Variants in SH3KBP1 observed in about 807,000 individuals in gnomAD.
SH3KBP1 encodes SH3 domain-containing kinase-binding protein 1.
A neutral mutation model predicts 50.1 loss-of-function variants in SH3KBP1; 8 were observed. The ratio of observed to expected loss-of-function variants is 0.16; its 90% CI spans 0.09 to 0.29. The LOEUF (loss-of-function observed/expected upper bound fraction) is 0.29, where lower values mean the gene tolerates loss of function less well. Ranked by LOEUF, SH3KBP1 falls within the 10% of genes least tolerant of loss-of-function variation. The probability of loss-of-function intolerance (pLI) is 1.00; values close to 1 mark genes in which losing one functional copy is unlikely to be tolerated. For synonymous variants in SH3KBP1, 227 were observed against 218.6 expected (o/e 1.04, Z -0.34); for missense variants, 377 against 535.2 (o/e 0.70, Z 2.92).
At chrX:19,670,683 G>A (rs67258646) in intron 6 of SH3KBP1, among the ~76,000 whole-genome samples, 3,632 of 109,520 alleles carry the variant, frequency 0.033, 151 homozygotes, top group African/African-American at 0.11. Context: ...TACTTGATAG[G>A]TTCCTCCTCA....
intron 2 of SH3KBP1, among the ~76,000 whole-genome samples, chrX:19,767,614 G>A (rs1264139365): frequency 9.0e-6 from 1 of 110,787 alleles, no homozygotes; most frequent in African/African-American, 3.3e-5. Context: ...TCATCACTCA[G>A]TACCAGAAAG....
chrX:19,844,115 T>A (rs1270955923), intron 1 of SH3KBP1, among the ~76,000 whole-genome samples: 1 of 111,654 alleles, frequency 9.0e-6, no homozygotes, highest in Non-Finnish European at 1.9e-5. Flanking sequence ...AGACGTGATA[T>A]CTGTAAACTG....
intron 2 of SH3KBP1, among the ~76,000 whole-genome samples, chrX:19,801,896 A>AAG (rs1241584436): frequency 9.6e-6 from 1 of 104,135 alleles, no homozygotes; most frequent in Non-Finnish European, 2.0e-5. Flanking sequence ...GCCAACATGG[A>AAG]GAAACCCTGT....
chrX:19,885,641 T>C (rs1034157782), intron 1 of SH3KBP1, among the ~76,000 whole-genome samples: 1 of 110,361 alleles, frequency 9.1e-6, no homozygotes, highest in Non-Finnish European at 1.9e-5. Flanking sequence ...GGAGAAGACA[T>C]TTGGATTAAC....
At chrX:19,655,001 C>T (rs2062236660) in intron 6 of SH3KBP1, among the ~76,000 whole-genome samples, 1 of 111,760 alleles carries the variant, frequency 8.9e-6, no homozygotes, top group South Asian at 3.7e-4. Flanking sequence ...GGAGATGGCA[C>T]CTCCTCCCCC....
At chrX:19,654,649 A>AT (rs1415991711) in intron 6 of SH3KBP1, among the ~76,000 whole-genome samples, 1 of 112,116 alleles carries the variant, frequency 8.9e-6, no homozygotes, top group East Asian at 2.8e-4. Flanking sequence ...TTAAAATGCT[A>AT]TTTTCTGTTG....
intron 13 of SH3KBP1, among the ~76,000 whole-genome samples, chrX:19,568,180 C>A (rs981425368): frequency 9.0e-6 from 1 of 111,358 alleles, no homozygotes; most frequent in Non-Finnish European, 1.9e-5. Flanking sequence ...ATGAATAAGA[C>A]CTACTATTTG....
chrX:19,866,562 C>T (rs2147524434), intron 1 of SH3KBP1, among the ~76,000 whole-genome samples: 1 of 109,170 alleles, frequency 9.2e-6, no homozygotes, highest in African/African-American at 3.3e-5. Flanking sequence ...TGGTGGTGCA[C>T]ACCTGTGGTC....
chrX:19,695,562 G>A, intron 5 of SH3KBP1, 50 bp downstream of exon 5: 1 of 1,193,441 alleles, frequency 8.4e-7, no homozygotes, highest in East Asian at 3.0e-5. Context: ...CTGGAGCACA[G>A]CCTGCCGGTC....
chrX:19,817,738 G>A (rs1161882332), intron 2 of SH3KBP1, among the ~76,000 whole-genome samples: 11 of 111,442 alleles, frequency 9.9e-5, no homozygotes, highest in African/African-American at 2.3e-4. Context: ...AGGTTCAAGC[G>A]ATTATCGTGC....
intron 2 of SH3KBP1, among the ~76,000 whole-genome samples, chrX:19,820,367 A>G (rs1481544039): frequency 9.0e-6 from 1 of 110,898 alleles, no homozygotes; most frequent in Admixed American, 9.6e-5. Flanking sequence ...TTTTTGCTCC[A>G]TATATGTTGC....
chrX:19,710,755 A>G (rs2063758649), intron 3 of SH3KBP1, among the ~76,000 whole-genome samples: 1 of 110,958 alleles, frequency 9.0e-6, no homozygotes, highest in South Asian at 3.8e-4. Flanking sequence ...CTTGAAATGT[A>G]GCACCCACGG....
intron 2 of SH3KBP1, among the ~76,000 whole-genome samples, chrX:19,785,288 T>C (rs2066305387): frequency 1.8e-5 from 2 of 108,378 alleles, no homozygotes; most frequent in Non-Finnish European, 3.8e-5. Context: ...GAGGATGAGG[T>C]GAGCGGACTG....
chrX:19,654,152 T>C (rs1471432214), intron 6 of SH3KBP1, among the ~76,000 whole-genome samples: 4 of 111,549 alleles, frequency 3.6e-5, no homozygotes, highest in Non-Finnish European at 7.5e-5. Context: ...CCAGTAGAAT[T>C]TGAGCCAAAT....
chrX:19,856,881 G>A (rs547637007), intron 1 of SH3KBP1, among the ~76,000 whole-genome samples: 4 of 100,039 alleles, frequency 4.0e-5, no homozygotes, highest in Middle Eastern at 5.7e-3. Context: ...TAAAAGCCTA[G>A]CCACATGGTA....
chrX:19,676,585 C>T (rs1449723145), intron 6 of SH3KBP1, among the ~76,000 whole-genome samples: 1 of 110,595 alleles, frequency 9.0e-6, no homozygotes, highest in Non-Finnish European at 1.9e-5. Flanking sequence ...ATGCCTGTAT[C>T]AAAACATCTC....
intron 7 of SH3KBP1, among the ~76,000 whole-genome samples, chrX:19,633,949 T>A (rs1485624622): frequency 9.1e-6 from 1 of 109,566 alleles, no homozygotes; most frequent in Non-Finnish European, 1.9e-5. Context: ...GGTTTAGGGA[T>A]GGGCAGGTGC....
chrX:19,595,395 A>G (rs899219097), intron 9 of SH3KBP1, among the ~76,000 whole-genome samples: 2 of 112,234 alleles, frequency 1.8e-5, no homozygotes, highest in Non-Finnish European at 3.8e-5. Flanking sequence ...AAAGATTCAA[A>G]ATTGAATCTG....
At chrX:19,703,389 C>T (rs763219499) in intron 4 of SH3KBP1, among the ~76,000 whole-genome samples, 3 of 109,808 alleles carry the variant, frequency 2.7e-5, no homozygotes, top group South Asian at 3.9e-4. Context: ...GGGTTGGAGG[C>T]GGGTGGGGGG....
Sources: gnomAD v4.1 joint callset for allele counts (sites outside exome capture counted in the v4.1 genomes callset) on GRCh38, gnomAD v4.1.1 for gene constraint, MANE v1.5 for transcripts, NCBI Gene and HGNC (gene_info 2026-07-23, HGNC 2026-07-21) for gene names.